The following ZNF277 variants were observed in gnomAD, a reference collection of about 807,000 sequenced individuals.
ZNF277 encodes zinc finger protein 277.
Under a neutral mutation model 60.7 loss-of-function variants are expected in ZNF277, and 55 were observed. The observed-to-expected ratio is 0.91, with a 90% CI of 0.73 to 1.13. The LOEUF (loss-of-function observed/expected upper bound fraction) is 1.13, where lower values mean the gene tolerates loss of function less well. Ranked by LOEUF, ZNF277 falls within the 50% of genes most tolerant of loss-of-function variation. The pLI is 0.00. For synonymous variants in ZNF277, 178 were observed against 179.3 expected (o/e 0.99, Z 0.06); for missense variants, 510 against 523.0 (o/e 0.98, Z 0.24).
At chr7:112,254,583 A>G (rs970232316) in intron 1 of ZNF277, among the ~76,000 whole-genome samples, 3 of 152,216 alleles carry the variant, frequency 2.0e-5, no homozygotes, top group African/African-American at 7.2e-5. Flanking sequence ...AATTTGTGTT[A>G]AAATAAATAT....
intron 8 of ZNF277, 117 bp downstream of exon 8, chr7:112,336,288 G>T: frequency 1.2e-6 from 1 of 825,962 alleles, no homozygotes; most frequent in Non-Finnish European, 1.8e-6. Flanking sequence ...CCTTCTCTGA[G>T]CCATGCATCC....
chr7:112,217,566 G>A (rs564933304), intron 1 of ZNF277, among the ~76,000 whole-genome samples: 7 of 152,246 alleles, frequency 4.6e-5, no homozygotes, highest in South Asian at 2.1e-4. Flanking sequence ...CCAAGCTGCC[G>A]GTGTTCATTC....
At chr7:112,227,529 T>C (rs1822206712) in intron 1 of ZNF277, among the ~76,000 whole-genome samples, 1 of 152,110 alleles carries the variant, frequency 6.6e-6, no homozygotes, top group African/African-American at 2.4e-5. Context: ...AACTGCATGA[T>C]TGGCACAAGA....
intron 1 of ZNF277, among the ~76,000 whole-genome samples, chr7:112,215,858 T>C (rs1821866017): frequency 6.6e-6 from 1 of 152,226 alleles, no homozygotes; most frequent in Non-Finnish European, 1.5e-5. Flanking sequence ...AGAATTGTAA[T>C]CGTGGTTATT....
chr7:112,227,341 C>A (rs1238334172), intron 1 of ZNF277, among the ~76,000 whole-genome samples: 2 of 152,116 alleles, frequency 1.3e-5, no homozygotes, highest in Admixed American at 1.3e-4. Flanking sequence ...TAGCAAAGAA[C>A]AATTTGTGAA....
At chr7:112,206,956 T>C in intron 1 of ZNF277, 149 bp downstream of exon 1, 1 of 719,334 alleles carries the variant, frequency 1.4e-6, no homozygotes, top group Non-Finnish European at 2.2e-6. Flanking sequence ...CCCAGCGGGA[T>C]GGGTTGGAGC....
chr7:112,322,877 G>T (rs1793015537), intron 5 of ZNF277, among the ~76,000 whole-genome samples: 1 of 152,116 alleles, frequency 6.6e-6, no homozygotes, highest in Non-Finnish European at 1.5e-5. Flanking sequence ...CCCCACCAGG[G>T]TTTTTGTTAC....
chr7:112,210,735 G>A (rs1821724057), intron 1 of ZNF277, among the ~76,000 whole-genome samples: 1 of 152,026 alleles, frequency 6.6e-6, no homozygotes, highest in Non-Finnish European at 1.5e-5. Flanking sequence ...GCCTCCCAAA[G>A]TGCTGGGATT....
intron 1 of ZNF277, among the ~76,000 whole-genome samples, chr7:112,284,183 C>G (rs1441192404): frequency 6.6e-6 from 1 of 152,162 alleles, no homozygotes; most frequent in African/African-American, 2.4e-5. Flanking sequence ...TCCTAACACA[C>G]CTTGCAGGTA....
intron 5 of ZNF277, among the ~76,000 whole-genome samples, chr7:112,326,152 C>T (rs1375694836): frequency 2.0e-5 from 3 of 152,110 alleles, no homozygotes; most frequent in Non-Finnish European, 1.5e-5. Context: ...TGAGGGAAAC[C>T]TCCCAACCCA....
At chr7:112,230,041 G>A (rs1227515944) in intron 1 of ZNF277, among the ~76,000 whole-genome samples, 3 of 139,026 alleles carry the variant, frequency 2.2e-5, no homozygotes, top group Non-Finnish European at 3.4e-5. Context: ...AGGACCTTGT[G>A]GGCCATGCGA....
intron 1 of ZNF277, among the ~76,000 whole-genome samples, chr7:112,262,755 T>G (rs1027286106): frequency 1.3e-5 from 2 of 152,170 alleles, no homozygotes; most frequent in Non-Finnish European, 2.9e-5. Context: ...TATTTTATAT[T>G]TGTTCCAATT....
At chr7:112,306,812 G>A (rs1792607598) in intron 4 of ZNF277, among the ~76,000 whole-genome samples, 1 of 151,532 alleles carries the variant, frequency 6.6e-6, no homozygotes, top group South Asian at 2.1e-4. Context: ...CCAAATACAT[G>A]CCTATAACTT....
At chr7:112,332,797 C>T (rs1279200619) in intron 7 of ZNF277, among the ~76,000 whole-genome samples, 1 of 152,120 alleles carries the variant, frequency 6.6e-6, no homozygotes, top group Non-Finnish European at 1.5e-5. Context: ...ATGATGTAAA[C>T]ACCTTTGAAA....
At chr7:112,284,237 G>A (rs903261477) in intron 1 of ZNF277, among the ~76,000 whole-genome samples, 11 of 152,162 alleles carry the variant, frequency 7.2e-5, no homozygotes, top group Admixed American at 7.2e-4. Context: ...TTGTGCTGTT[G>A]ATTATTATTA....
At chr7:112,210,500 C>T (rs1463134775) in intron 1 of ZNF277, among the ~76,000 whole-genome samples, 2 of 144,434 alleles carry the variant, frequency 1.4e-5, no homozygotes, top group African/African-American at 5.1e-5. Context: ...GAGACAGAGT[C>T]CTGCTCTGTA....
intron 1 of ZNF277, among the ~76,000 whole-genome samples, chr7:112,260,857 G>A (rs559934246): frequency 6.6e-6 from 1 of 152,276 alleles, no homozygotes; most frequent in South Asian, 2.1e-4. Flanking sequence ...AAAGCATTGA[G>A]TGATTGTGTT....
intron 1 of ZNF277, among the ~76,000 whole-genome samples, chr7:112,223,055 T>C (rs571473123): frequency 6.6e-6 from 1 of 152,352 alleles, no homozygotes; most frequent in African/African-American, 2.4e-5. Flanking sequence ...TTCAGCCTGC[T>C]GATGGCCTAT....
intron 4 of ZNF277, among the ~76,000 whole-genome samples, chr7:112,310,484 T>C (rs1380619211): frequency 1.0e-5 from 1 of 95,890 alleles, no homozygotes; most frequent in Non-Finnish European, 2.0e-5. Context: ...AGAGAGTGTG[T>C]GTGTGTGTAT....
Sources: gnomAD v4.1 joint callset for allele counts (sites outside exome capture counted in the v4.1 genomes callset) on GRCh38, gnomAD v4.1.1 for gene constraint, MANE v1.5 for transcripts, NCBI Gene and HGNC (gene_info 2026-07-23, HGNC 2026-07-21) for gene names.